The following AGO3 variants were observed in gnomAD, a reference collection of about 807,000 sequenced individuals.
AGO3 encodes argonaute RISC catalytic component 3.
In AGO3, 16 loss-of-function variants were observed where a neutral mutation model predicts 105.5. That is an observed-to-expected ratio of 0.15 (90% CI 0.10 to 0.23). The LOEUF (loss-of-function observed/expected upper bound fraction) is 0.23. Among genes scored for constraint, AGO3 ranks in the 10% least tolerant of loss-of-function variants. The probability of loss-of-function intolerance (pLI) is 1.00; values close to 1 mark genes in which losing one functional copy is unlikely to be tolerated. For missense variants in AGO3, 534 were observed against 1,088.0 expected (o/e 0.49, Z 7.16); for synonymous variants, 340 against 367.3 (o/e 0.93, Z 0.85).
chr1:36,035,283 C>G (rs1162854776), intron 13 of AGO3, among the ~76,000 whole-genome samples: 1 of 152,092 alleles, frequency 6.6e-6, no homozygotes, highest in Non-Finnish European at 1.5e-5. Flanking sequence ...GCCTGTCGTT[C>G]CAGCTACTCC....
Position 36,056,014 on chromosome 1 carries a change from G to A in AGO3, c.*269G>A, listed in dbSNP as rs774072661. The A allele has an allele frequency of 8.8e-5, 25 of 283,898 alleles. No homozygotes were observed. The highest frequency in any genetic ancestry group is 1.2e-4 in the Non-Finnish European group (19 of 152,032). 17.6% of individuals were successfully genotyped at this position (283,898 alleles called of 1,614,324 possible). On this transcript the variant is annotated 3_prime_UTR_variant, in exon 19 of 19. Coordinates refer to ENST00000373191, the MANE Select transcript of AGO3 (RefSeq NM_024852.4). ...CGCAATTGTTTTGTTTTCATTTCTT[G>A]TAGTCTAACCCTTTTAATGCCTTTA... is the stretch of plus-strand genomic sequence containing the variant.
intron 5 of AGO3, among the ~76,000 whole-genome samples, chr1:35,995,710 C>T (rs1395447566): frequency 2.6e-5 from 4 of 152,118 alleles, no homozygotes; most frequent in Non-Finnish European, 5.9e-5. Flanking sequence ...GACAGGATCT[C>T]CCTATCACCC....
chr1:35,932,998 A>AG (rs397775720), intron 1 of AGO3, among the ~76,000 whole-genome samples: 1 of 118 alleles, frequency 8.5e-3, no homozygotes, highest in African/African-American at 0.033. Flanking sequence ...AACATTTGTT[A>AG]CATCAAACCA....
chr1:35,933,478 C>CA (rs1375776991), intron 1 of AGO3, among the ~76,000 whole-genome samples: 2 of 151,462 alleles, frequency 1.3e-5, no homozygotes, highest in East Asian at 3.9e-4. Context: ...CCTGCCTCTA[C>CA]AAAAAACAGA....
At chr1:36,004,982 G>A (rs1426249824) in intron 6 of AGO3, among the ~76,000 whole-genome samples, 2 of 151,990 alleles carry the variant, frequency 1.3e-5, no homozygotes, top group Non-Finnish European at 2.9e-5. Flanking sequence ...GTTGACTGTT[G>A]ATCTTATCTA....
At chr1:35,971,872 T>C (rs1646876813) in intron 3 of AGO3, 152 bp from the exon 4 acceptor site, 1 of 726,150 alleles carries the variant, frequency 1.4e-6, no homozygotes, top group East Asian at 2.7e-5. Context: ...AACTATGTTA[T>C]TTAAATTTTA....
intron 5 of AGO3, among the ~76,000 whole-genome samples, chr1:35,997,161 C>G (rs1298812107): frequency 6.6e-6 from 1 of 151,936 alleles, no homozygotes; most frequent in Non-Finnish European, 1.5e-5. Context: ...TGCCTGTAAT[C>G]CCAGCTACTT....
intron 1 of AGO3, among the ~76,000 whole-genome samples, chr1:35,935,909 A>G (rs888529502): frequency 6.6e-6 from 1 of 152,216 alleles, no homozygotes; most frequent in Non-Finnish European, 1.5e-5. Flanking sequence ...GCTAATGGGT[A>G]GGGGAAAAAA....
At chr1:35,992,934 G>A (rs1334603597) in intron 5 of AGO3, among the ~76,000 whole-genome samples, 2 of 152,160 alleles carry the variant, frequency 1.3e-5, no homozygotes, top group Non-Finnish European at 2.9e-5. Context: ...TAGTTCTGGA[G>A]GCCTCAGTTC....
At chr1:36,003,705 AAAAAAT>A (rs1334617250) in intron 5 of AGO3, among the ~76,000 whole-genome samples, 1 of 123,580 alleles carries the variant, frequency 8.1e-6, no homozygotes, top group African/African-American at 3.0e-5. Context: ...AAAAAAAAAA[AAAAAAT>A]ATATATATAT....
chr1:35,993,003 C>T (rs948032462), intron 5 of AGO3, among the ~76,000 whole-genome samples: 4 of 152,188 alleles, frequency 2.6e-5, no homozygotes, highest in Admixed American at 2.0e-4. Context: ...TTGTGGCTGG[C>T]TTCCTCCAGA....
intron 5 of AGO3, among the ~76,000 whole-genome samples, chr1:35,976,095 C>T (rs987752748): frequency 2.6e-5 from 4 of 151,908 alleles, no homozygotes; most frequent in Admixed American, 2.0e-4. Context: ...ACCACCACAC[C>T]CAGCTAATTT....
intron 3 of AGO3, among the ~76,000 whole-genome samples, chr1:35,970,892 G>T (rs920102542): frequency 6.6e-6 from 1 of 151,278 alleles, no homozygotes; most frequent in Non-Finnish European, 1.5e-5. Flanking sequence ...ACCACACCTG[G>T]CTAATTTAAT....
At chr1:36,038,094 T>A (rs975738960) in intron 14 of AGO3, among the ~76,000 whole-genome samples, 2 of 152,056 alleles carry the variant, frequency 1.3e-5, no homozygotes, top group Non-Finnish European at 2.9e-5. Flanking sequence ...ATAATAGGTG[T>A]TATCATGATA....
At chr1:36,009,714 A>G in intron 9 of AGO3, 120 bp downstream of exon 9, 1 of 1,055,360 alleles carries the variant, frequency 9.5e-7, no homozygotes, top group Non-Finnish European at 1.3e-6. Flanking sequence ...CAGAATTAAA[A>G]GCAATCATGG....
chr1:35,962,542 C>CAA (rs1004307116), intron 2 of AGO3, among the ~76,000 whole-genome samples: 3 of 92,020 alleles, frequency 3.3e-5, no homozygotes, highest in South Asian at 3.4e-4. Flanking sequence ...GACTCCCTCT[C>CAA]AAAAAAAAAA....
intron 15 of AGO3, 92 bp from the exon 16 acceptor site, chr1:36,040,215 A>G: frequency 7.1e-7 from 1 of 1,401,552 alleles, no homozygotes; most frequent in Non-Finnish European, 9.7e-7. Context: ...TGGTGAAATT[A>G]AGGAATCCTG....
At position 36,055,537 on chromosome 1, in the gene AGO3, G is replaced by A. The variant is rs1362418057; in HGVS notation, c.2475-100G>A. ...AGATTGTTACACCAGTCTCTTATTT[G>A]TTAATAATTTTGAAATTTTCTACAA... On this transcript the variant is annotated intron_variant, in intron 18 of 18. Coordinates refer to ENST00000373191, the MANE Select transcript of AGO3 (RefSeq NM_024852.4). This position sits in a 1 kb window ranked among gnomAD's most constrained non-coding sequence, Gnocchi z 4.4. 1.8e-6 allele frequency: 2 copies of A among 1,131,718 alleles called. No individual in the cohort carries two copies. The highest frequency in any genetic ancestry group is 1.3e-6 in the Non-Finnish European group (1 of 761,986). 70.1% of individuals were successfully genotyped at this position (1,131,718 alleles called of 1,614,324 possible). A position where few individuals can be genotyped will look rare whatever the true frequency, so the allele number is the denominator to read the frequency against.
At chr1:35,995,975 G>A (rs765605729) in intron 5 of AGO3, among the ~76,000 whole-genome samples, 3 of 150,536 alleles carry the variant, frequency 2.0e-5, no homozygotes, top group Non-Finnish European at 3.0e-5. Context: ...CACTGCACCC[G>A]GCTAGGATTT....
Sources: allele counts gnomAD v4.1 joint callset (sites outside exome capture counted in the v4.1 genomes callset), GRCh38; gene constraint gnomAD v4.1.1; non-coding constraint Gnocchi (gnomAD v3.1); transcripts MANE v1.5; gene names NCBI Gene and HGNC (gene_info 2026-07-23, HGNC 2026-07-21).